Variants in POC1B observed in about 807,000 individuals in gnomAD.
POC1B encodes the protein POC1 centriolar protein B, also known as POC1 centriolar protein homolog B.
A neutral mutation model predicts 60.6 loss-of-function variants in POC1B; 44 were observed. The observed-to-expected ratio is 0.73, with a 90% confidence interval of 0.57 to 0.93. The LOEUF (loss-of-function observed/expected upper bound fraction) is 0.93, where lower values mean the gene tolerates loss of function less well. Ranked by LOEUF, POC1B falls within the 40% of genes least tolerant of loss-of-function variation. The pLI is 0.00. For missense variants in POC1B, 555 were observed against 572.3 expected, an observed-to-expected ratio of 0.97 and a Z score of 0.31; for synonymous variants, 180 against 198.9, an observed-to-expected ratio of 0.90 and a Z score of 0.80.
chr12:89,469,395 C>T (rs1391081029), intron 7 of POC1B, among the ~76,000 whole-genome samples: 2 of 152,108 alleles, frequency 1.3e-5, no homozygotes, highest in East Asian at 1.9e-4. Context: ...GAATACAGCA[C>T]ATAAGAATCG....
chr12:89,414,941 T>C (rs1880340576), downstream of POC1B, among the ~76,000 whole-genome samples: 1 of 152,120 alleles, frequency 6.6e-6, no homozygotes, highest in African/African-American at 2.4e-5. Flanking sequence ...AAGCAGATAA[T>C]ACCTGTTCTC....
At chr12:89,514,960 A>G (rs952359624) in intron 2 of POC1B, among the ~76,000 whole-genome samples, 1 of 152,072 alleles carries the variant, frequency 6.6e-6, no homozygotes, top group African/African-American at 2.4e-5. Flanking sequence ...ATCACCCACT[A>G]GATGATGCCT....
intron 2 of POC1B, among the ~76,000 whole-genome samples, chr12:89,504,025 G>A (rs1313518718): frequency 1.3e-5 from 2 of 151,646 alleles, no homozygotes; most frequent in Non-Finnish European, 2.9e-5. Flanking sequence ...CCATCCAGGA[G>A]GTGGGGGGCG....
chr12:89,500,796 T>C (rs960460684), intron 2 of POC1B: 13 of 1,010,232 alleles, frequency 1.3e-5, no homozygotes, highest in East Asian at 2.6e-5. Flanking sequence ...GGATAAAACA[T>C]CAGAAGGACA....
At chr12:89,484,997 T>A (rs979751981) in intron 4 of POC1B, among the ~76,000 whole-genome samples, 1 of 152,236 alleles carries the variant, frequency 6.6e-6, no homozygotes, top group African/African-American at 2.4e-5. Context: ...TCTGATTATA[T>A]CCTGACTTGG....
chr12:89,505,301 T>C (rs1030029788), intron 2 of POC1B, among the ~76,000 whole-genome samples: 1 of 152,270 alleles, frequency 6.6e-6, no homozygotes, highest in Admixed American at 6.5e-5. Context: ...ACTTAGTATT[T>C]GATTCAGCAA....
chr12:89,428,537 A>T (rs704089), intron 10 of POC1B: 59,874 of 152,080 alleles, frequency 0.39, 12,069 homozygotes, highest in Admixed American at 0.47. Context: ...TGAATATTTT[A>T]GAAAATGTTA....
At chr12:89,509,781 A>C in intron 2 of POC1B, among the ~76,000 whole-genome samples, 1 of 152,138 alleles carries the variant, frequency 6.6e-6, no homozygotes, top group East Asian at 1.9e-4. Context: ...TAAAATACAA[A>C]CAGTAGTTTC....
chr12:89,525,484 G>A (rs1012087837), intron 1 of POC1B: 163 of 1,329,068 alleles, frequency 1.2e-4, no homozygotes, highest in Non-Finnish European at 1.5e-4. Flanking sequence ...CCTTTGAAAT[G>A]CACGTTCCCG....
At chr12:89,421,682 A>G (rs991665169) in intron 11 of POC1B, among the ~76,000 whole-genome samples, 1 of 152,122 alleles carries the variant, frequency 6.6e-6, no homozygotes, top group African/African-American at 2.4e-5. Flanking sequence ...TTCTGTCACA[A>G]TCCAATCCAT....
At chr12:89,407,611 A>G in the POC1B span, among the ~76,000 whole-genome samples, 1 of 152,342 alleles carries the variant, frequency 6.6e-6, no homozygotes, top group South Asian at 2.1e-4. Flanking sequence ...GGGGCCAAAC[A>G]AAACATGTCT....
chr12:89,480,210 T>A (rs1449170648), intron 4 of POC1B, among the ~76,000 whole-genome samples: 4 of 151,884 alleles, frequency 2.6e-5, no homozygotes, highest in Non-Finnish European at 5.9e-5. Flanking sequence ...CGTCTCAACT[T>A]ACCGCAGCAT....
At chr12:89,431,521 A>G (rs1394859758) in intron 10 of POC1B, among the ~76,000 whole-genome samples, 1 of 152,234 alleles carries the variant, frequency 6.6e-6, no homozygotes, top group East Asian at 1.9e-4. Context: ...AACAACAAAA[A>G]AAGCCTTTTG....
At chr12:89,522,694 T>C in intron 2 of POC1B, 1 of 1,332,526 alleles carries the variant, frequency 7.5e-7, no homozygotes, top group Non-Finnish European at 1.0e-6. Flanking sequence ...TTTCCAGTGC[T>C]CCACAGATGA....
intron 10 of POC1B, among the ~76,000 whole-genome samples, chr12:89,438,050 C>CAA (rs535891630): frequency 2.3e-4 from 29 of 124,438 alleles, no homozygotes; most frequent in Admixed American, 5.1e-4. Flanking sequence ...GAAACCGTCT[C>CAA]AAAAAAAAAA....
intron 2 of POC1B, among the ~76,000 whole-genome samples, chr12:89,518,140 C>T (rs1389774363): frequency 2.6e-5 from 4 of 151,570 alleles, no homozygotes; most frequent in Non-Finnish European, 5.9e-5. Flanking sequence ...AGGACATGTG[C>T]CCTCTAATTT....
chr12:89,504,451 AG>A (rs1869793959), intron 2 of POC1B, among the ~76,000 whole-genome samples: 1 of 152,202 alleles, frequency 6.6e-6, no homozygotes, highest in South Asian at 2.1e-4. Context: ...TCAAGTACCC[AG>A]GGACACAAAC....
chr12:89,461,963 C>T lies in POC1B; in HGVS notation c.1033-2245G>A, dbSNP rs189015154. 3.3e-5 allele frequency: 5 copies of T among 152,162 alleles called. No individual in the cohort carries two copies. The East Asian group carries it at 9.7e-4, about 29-fold the overall frequency. 9.4% of individuals were successfully genotyped at this position (152,162 alleles called of 1,614,324 possible). ...TTTTATTCTCTTTTATCTACTGCCA[C>T]CTAGTGTAGACAGAAAATTATTTAC... On this transcript the variant is annotated intron_variant, in intron 9 of 11. Coordinates refer to ENST00000313546, the MANE Select transcript of POC1B (RefSeq NM_172240.3).
chr12:89,439,815 G>C (rs1469197486), intron 10 of POC1B, among the ~76,000 whole-genome samples: 1 of 152,020 alleles, frequency 6.6e-6, no homozygotes, highest in Non-Finnish European at 1.5e-5. Flanking sequence ...CATTTGGCCA[G>C]GCTGGTCTTG....
Sources: gnomAD v4.1 joint callset for allele counts (sites outside exome capture counted in the v4.1 genomes callset) on GRCh38, gnomAD v4.1.1 for gene constraint, MANE v1.5 for transcripts, NCBI Gene and HGNC (gene_info 2026-07-23, HGNC 2026-07-21) for gene names.